Variants in TMEM135 observed in about 807,000 individuals in gnomAD.
TMEM135 encodes transmembrane protein 135.
Under a neutral mutation model 60.3 loss-of-function variants are expected in TMEM135, and 30 were observed. The observed-to-expected ratio is 0.50, with a 90% CI of 0.37 to 0.68. The LOEUF (loss-of-function observed/expected upper bound fraction) is 0.68, where lower values mean the gene tolerates loss of function less well. Among genes scored for constraint, TMEM135 ranks in the 30% least tolerant of loss-of-function variants. The pLI, the probability that TMEM135 is intolerant of heterozygous loss-of-function variation, is 0.00. For synonymous variants in TMEM135, 190 were observed against 186.7 expected (o/e 1.02, Z -0.14); for missense variants, 468 against 548.8 (o/e 0.85, Z 1.47).
chr11:87,279,379 G>A (rs907617643), intron 6 of TMEM135, among the ~76,000 whole-genome samples: 2 of 152,066 alleles, frequency 1.3e-5, no homozygotes, highest in Admixed American at 6.6e-5. Context: ...AATTTTTCTT[G>A]TAGTCTCAGT....
In TMEM135 at chr11:87,274,037, T is replaced by C. The variant is rs185475223; in HGVS notation, c.510-21745T>C. 1.2e-3 allele frequency among the ~76,000 whole-genome samples: 182 copies of C among 152,310 alleles called. 2 individuals carry two copies. The South Asian group carries it at 0.016, about 13-fold the overall frequency. On this transcript the variant is annotated intron_variant, in intron 6 of 14. Coordinates refer to ENST00000305494, the MANE Select transcript of TMEM135 (RefSeq NM_022918.4). ...ACAAGGATACCAGATATGAGATTTA[T>C]GAAATATATTTTGCACTGTTTCGGA...
At chr11:87,151,754 A>C (rs991129791) in intron 4 of TMEM135, among the ~76,000 whole-genome samples, 2 of 152,050 alleles carry the variant, frequency 1.3e-5, no homozygotes, top group Admixed American at 1.3e-4. Flanking sequence ...AGAATGGGAA[A>C]GTGGTTGGGA....
intron 3 of TMEM135, 86 bp downstream of exon 3, chr11:87,071,701 A>G: frequency 2.3e-6 from 2 of 856,708 alleles, no homozygotes; most frequent in East Asian, 2.6e-5. Flanking sequence ...TATCACTTAC[A>G]GGGATGAGAA....
intron 1 of TMEM135, among the ~76,000 whole-genome samples, chr11:87,042,825 T>G (rs2135104104): frequency 6.6e-6 from 1 of 151,994 alleles, no homozygotes; most frequent in East Asian, 1.9e-4. Context: ...TAGTCGGTAT[T>G]CATCTTCTAC....
At chr11:87,270,385 A>G (rs763004158) in intron 6 of TMEM135, among the ~76,000 whole-genome samples, 16 of 152,088 alleles carry the variant, frequency 1.1e-4, no homozygotes, top group Non-Finnish European at 1.6e-4. Context: ...TTTTGTTGCC[A>G]TTGCTTTTGG....
chr11:87,278,026 A>G (rs182647187), intron 6 of TMEM135, among the ~76,000 whole-genome samples: 19 of 152,256 alleles, frequency 1.2e-4, no homozygotes, highest in African/African-American at 2.4e-4. Flanking sequence ...GTGATTTCCT[A>G]TTGCCTTCAG....
chr11:87,116,679 T>G (rs1857892584), intron 4 of TMEM135, among the ~76,000 whole-genome samples: 1 of 151,742 alleles, frequency 6.6e-6, no homozygotes, highest in Non-Finnish European at 1.5e-5. Context: ...TAGGCATACC[T>G]CAAAGATATC....
chr11:87,250,082 T>C (rs1199648607), intron 6 of TMEM135, among the ~76,000 whole-genome samples: 1 of 152,150 alleles, frequency 6.6e-6, no homozygotes, highest in Non-Finnish European at 1.5e-5. Context: ...TTCCAATTTA[T>C]TGGCATATAG....
At chr11:87,182,697 C>T (rs532618768) in intron 5 of TMEM135, among the ~76,000 whole-genome samples, 1 of 151,952 alleles carries the variant, frequency 6.6e-6, no homozygotes, top group South Asian at 2.1e-4. Context: ...ATTTTTTTCT[C>T]TAGAAAATTT....
chr11:87,220,228 G>T (rs950898772), intron 5 of TMEM135, among the ~76,000 whole-genome samples: 1 of 152,082 alleles, frequency 6.6e-6, no homozygotes, highest in Non-Finnish European at 1.5e-5. Context: ...TTTCCTTAGG[G>T]CATTTTCTGT....
chr11:87,124,999 G>T (rs972004259), intron 4 of TMEM135, among the ~76,000 whole-genome samples: 13 of 152,186 alleles, frequency 8.5e-5, no homozygotes, highest in Admixed American at 5.9e-4. Context: ...CTGAGTAATT[G>T]CTCTGTGTCT....
intron 1 of TMEM135, among the ~76,000 whole-genome samples, chr11:87,044,175 T>C (rs1344504271): frequency 6.6e-6 from 1 of 152,120 alleles, no homozygotes; most frequent in Non-Finnish European, 1.5e-5. Context: ...TAATCACTTC[T>C]AGGCTCTGAA....
chr11:87,118,150 G>T (rs183412848), intron 4 of TMEM135, among the ~76,000 whole-genome samples: 1 of 152,084 alleles, frequency 6.6e-6, no homozygotes, highest in Admixed American at 6.5e-5. Flanking sequence ...CTATAAACAC[G>T]TGTGCTTTGT....
At chr11:87,158,519 T>A (rs1311215530) in intron 5 of TMEM135, among the ~76,000 whole-genome samples, 1 of 150,716 alleles carries the variant, frequency 6.6e-6, no homozygotes, top group Non-Finnish European at 1.5e-5. Flanking sequence ...TGGAGTGCAG[T>A]GTCATGATCT....
chr11:87,292,823 T>C lies in TMEM135; in HGVS notation c.510-2959T>C, dbSNP rs182338918. Among the ~76,000 whole-genome samples, 484 of 152,340 alleles carry C rather than the reference T, an allele frequency of 3.2e-3. 5 individuals carry two copies. The highest frequency in any genetic ancestry group is 0.011 in the African/African-American group (462 of 41,572). ...TCCCACAGAGTTCTGCTGAAAGAAC[T>C]GAACTTCCATCATAATGAAATTGCA... On this transcript the variant is annotated intron_variant, in intron 6 of 14. Coordinates refer to ENST00000305494, the MANE Select transcript of TMEM135 (RefSeq NM_022918.4).
intron 1 of TMEM135, among the ~76,000 whole-genome samples, chr11:87,060,110 A>AT (rs953800858): frequency 6.6e-6 from 1 of 152,182 alleles, no homozygotes; most frequent in Non-Finnish European, 1.5e-5. Flanking sequence ...ATGACTCTGA[A>AT]TAAAAAAAAA....
intron 5 of TMEM135, among the ~76,000 whole-genome samples, chr11:87,166,606 G>T (rs539551638): frequency 6.6e-6 from 1 of 151,780 alleles, no homozygotes; most frequent in African/African-American, 2.4e-5. Context: ...TCAAAGATCA[G>T]ATAGTTGTAG....
chr11:87,221,077 C>T (rs922514054), intron 5 of TMEM135, among the ~76,000 whole-genome samples: 1 of 152,008 alleles, frequency 6.6e-6, no homozygotes, highest in Non-Finnish European at 1.5e-5. Flanking sequence ...TCAATTCTTC[C>T]CATGCCTTTT....
chr11:87,186,081 A>G (rs940069779), intron 5 of TMEM135, among the ~76,000 whole-genome samples: 1 of 151,946 alleles, frequency 6.6e-6, no homozygotes, highest in African/African-American at 2.4e-5. Flanking sequence ...TATTTTTTGT[A>G]TTTTTAGTGG....
Sources: gnomAD v4.1 joint callset for allele counts (sites outside exome capture counted in the v4.1 genomes callset) on GRCh38, gnomAD v4.1.1 for gene constraint, MANE v1.5 for transcripts, NCBI Gene and HGNC (gene_info 2026-07-23, HGNC 2026-07-21) for gene names.